The following PRKX variants were observed in gnomAD, a reference collection of about 807,000 sequenced individuals.
The protein encoded by PRKX is protein kinase cAMP-dependent X-linked catalytic subunit, also known as cAMP-dependent protein kinase catalytic subunit PRKX.
Under a neutral mutation model 22.0 loss-of-function variants are expected in PRKX, and 12 were observed. That is an observed-to-expected ratio of 0.54 (90% CI 0.35 to 0.88). The LOEUF (loss-of-function observed/expected upper bound fraction) is 0.88. Ranked by LOEUF, PRKX falls within the 40% of genes least tolerant of loss-of-function variation. The pLI is 0.01. For missense variants in PRKX, 217 were observed against 308.0 expected (o/e 0.70, Z 2.21); for synonymous variants, 134 against 137.7 (o/e 0.97, Z 0.19).
intron 5 of PRKX, among the ~76,000 whole-genome samples, chrX:3,623,413 A>G (rs1462389467): frequency 1.3e-4 from 14 of 110,126 alleles, no homozygotes; most frequent in Non-Finnish European, 2.7e-4. Flanking sequence ...AACATTGGCC[A>G]GGCATGGTGG....
At chrX:3,675,470 C>T (rs1332186709) in intron 1 of PRKX, among the ~76,000 whole-genome samples, 1 of 110,823 alleles carries the variant, frequency 9.0e-6, no homozygotes, top group Non-Finnish European at 1.9e-5. Flanking sequence ...TCTTCCTTCT[C>T]TTTTTTCTCT....
At chrX:3,651,868 A>G (rs1348190198) in intron 3 of PRKX, among the ~76,000 whole-genome samples, 1 of 112,145 alleles carries the variant, frequency 8.9e-6, no homozygotes, top group Non-Finnish European at 1.9e-5. Flanking sequence ...CTACCAAGGA[A>G]CGGATGTCAT....
At chrX:3,619,259 G>C (rs1926504929) in intron 6 of PRKX, among the ~76,000 whole-genome samples, 1 of 111,840 alleles carries the variant, frequency 8.9e-6, no homozygotes, top group African/African-American at 3.3e-5. Flanking sequence ...TGGAGGTGGA[G>C]ACTGCAGTGG....
At chrX:3,638,848 T>C (rs1296936694) in intron 4 of PRKX, among the ~76,000 whole-genome samples, 1 of 106,394 alleles carries the variant, frequency 9.4e-6, no homozygotes, top group Non-Finnish European at 1.9e-5. Context: ...AGACAGATGA[T>C]AAATAGATGG....
intron 8 of PRKX, among the ~76,000 whole-genome samples, chrX:3,610,209 A>G (rs180819591): frequency 4.5e-5 from 5 of 112,341 alleles, no homozygotes; most frequent in Non-Finnish European, 7.5e-5. Flanking sequence ...GGCCAGGCAC[A>G]GTGGCTCATG....
chrX:3,679,791 G>A (rs774398330), intron 1 of PRKX, among the ~76,000 whole-genome samples: 10 of 112,095 alleles, frequency 8.9e-5, no homozygotes, highest in Admixed American at 2.8e-4. Flanking sequence ...ATCTCGGGAA[G>A]GTGTGGCTAC....
intron 5 of PRKX, among the ~76,000 whole-genome samples, chrX:3,623,718 C>G (rs1926605855): frequency 1.8e-5 from 2 of 111,149 alleles, no homozygotes; most frequent in South Asian, 7.7e-4. Flanking sequence ...ATAAGCGACA[C>G]ATCTGCCGGC....
intron 1 of PRKX, 124 bp downstream of exon 1, chrX:3,712,964 C>A: frequency 1.2e-6 from 1 of 844,768 alleles, no homozygotes. Context: ...ACGGGGACTC[C>A]GAGCCGAAGT....
chrX:3,655,248 T>C lies in PRKX; in HGVS notation c.500A>G (p.Glu167Gly). The C allele has an allele frequency of 8.3e-7, 1 of 1,212,102 alleles. No individual in the cohort carries two copies. The highest frequency in any genetic ancestry group is 1.1e-6 in the Non-Finnish European group (1 of 895,604). ...ICAIEYLHSK[E>G]IVYRDLKPEN... is the part of the protein sequence containing the mutation. The stretch of plus-strand genomic sequence containing the variant: ...TGGCTTCAAGTCCCTGTAGACGATC[T>C]CTTTGGAGTGCAGGTACTCGATGGC... Residue 167 changes from glutamate (E) to glycine (G), a missense_variant, in exon 3 of 9, where the codon GAG (glutamate) becomes GGG (glycine). By Grantham distance (98) the Glu-to-Gly change is moderately conservative. Coordinates refer to ENST00000262848, the MANE Select transcript of PRKX (RefSeq NM_005044.5).
rs1446506493 is a variant in PRKX, at chrX:3,605,762, G to C, written c.*3207C>G. On this transcript the variant is annotated 3_prime_UTR_variant, in exon 9 of 9. Transcript: ENST00000262848. ...GTAACAAGTGATTGTGCAGTTGTTT[G>C]ATGGGCATGGAGAGGGAGTGGGGCT... 1 of 112,381 alleles carries C rather than the reference G, an allele frequency of 8.9e-6. No individual in the cohort carries two copies. Among genetic ancestry groups the C allele is most frequent in the Non-Finnish European group, 1.9e-5 (1 of 53,310 alleles). 9.3% of individuals were successfully genotyped at this position (112,381 alleles called of 1,213,427 possible). A position where few individuals can be genotyped will look rare whatever the true frequency, so the allele number is the denominator to read the frequency against.
At chrX:3,692,393 G>A (rs181858880) in intron 1 of PRKX, among the ~76,000 whole-genome samples, 24 of 110,629 alleles carry the variant, frequency 2.2e-4, no homozygotes, top group African/African-American at 6.6e-4. Flanking sequence ...CCCCTGTTTT[G>A]GAGCAAGCAC....
At chrX:3,654,046 T>A (rs1253124035) in intron 3 of PRKX, among the ~76,000 whole-genome samples, 1 of 83,263 alleles carries the variant, frequency 1.2e-5, no homozygotes, top group African/African-American at 4.9e-5. Flanking sequence ...ATATATATTA[T>A]ATATATTATA....
In PRKX at chrX:3,604,698, A is replaced by G. The variant is rs754200359; in HGVS notation, c.*4271T>C. On this transcript the variant is annotated 3_prime_UTR_variant, in exon 9 of 9. Transcript: ENST00000262848. The stretch of plus-strand genomic sequence containing the variant: ...AGGCTGCCCAGTGTTCAGCGCAAAG[A>G]AAGAATTCAGCTACGACAGTTGAGC... 9.3e-4 allele frequency: 104 copies of G among 112,307 alleles called. No individual in the cohort carries two copies. The highest frequency in any genetic ancestry group is 1.6e-3 in the Non-Finnish European group (86 of 53,272). The allele number at this position is 112,307 out of a possible 1,213,427, so 9.3% of individuals were successfully genotyped here.
At chrX:3,663,992 G>GTT (rs1927667810) in intron 2 of PRKX, among the ~76,000 whole-genome samples, 1 of 111,795 alleles carries the variant, frequency 8.9e-6, no homozygotes, top group Non-Finnish European at 1.9e-5. Flanking sequence ...AGGGGCTCCT[G>GTT]TTTCCCACTG....
intron 1 of PRKX, among the ~76,000 whole-genome samples, chrX:3,685,408 C>T (rs1322348490): frequency 9.0e-6 from 1 of 110,816 alleles, no homozygotes; most frequent in African/African-American, 3.3e-5. Context: ...CATCCCATCA[C>T]GGTTAAAAGC....
intron 1 of PRKX, among the ~76,000 whole-genome samples, chrX:3,676,095 C>A (rs1193162837): frequency 9.0e-6 from 1 of 111,460 alleles, no homozygotes; most frequent in Non-Finnish European, 1.9e-5. Context: ...TTGATCCCAG[C>A]GTCAGCAGCC....
At chrX:3,650,754 C>T (rs1429131840) in intron 3 of PRKX, among the ~76,000 whole-genome samples, 1 of 106,542 alleles carries the variant, frequency 9.4e-6, no homozygotes, top group East Asian at 2.9e-4. Context: ...TGGTACATGC[C>T]TGTAATCCCA....
rs35951668 is a variant in PRKX, at chrX:3,666,911, TA to T, written c.335+7686del. ...CAACAGAGCAAGACCTCATTTCTTT[TA>T]AAAAAAAAAAAAAAAAAAAAGGAAG... On this transcript the variant is annotated intron_variant, in intron 2 of 8. Coordinates refer to ENST00000262848, the MANE Select transcript of PRKX (RefSeq NM_005044.5). Among the ~76,000 whole-genome samples the T allele has an allele frequency of 3.1e-3, 202 of 65,776 alleles. 2 individuals carry two copies. The highest frequency in any genetic ancestry group is 0.017 in the Middle Eastern group (1 of 60). The allele number at this position is 65,776 out of a possible 115,157, so 57.1% of individuals were successfully genotyped here. A position where few individuals can be genotyped will look rare whatever the true frequency, so the allele number is the denominator to read the frequency against.
chrX:3,648,864 A>AG (rs1397812218), intron 3 of PRKX, among the ~76,000 whole-genome samples: 1 of 110,230 alleles, frequency 9.1e-6, no homozygotes, highest in Non-Finnish European at 1.9e-5. Flanking sequence ...GGATTGCTTG[A>AG]GGCCAGGAGT....
Sources: allele counts gnomAD v4.1 joint callset (sites outside exome capture counted in the v4.1 genomes callset), GRCh38; gene constraint gnomAD v4.1.1; transcripts MANE v1.5; gene names NCBI Gene and HGNC (gene_info 2026-07-23, HGNC 2026-07-21).